The following FSIP2 variants were observed in gnomAD, a reference collection of about 807,000 sequenced individuals.
The protein encoded by FSIP2 is fibrous sheath-interacting protein 2.
In FSIP2, 367 loss-of-function variants were observed where a neutral mutation model predicts 510.5. That is an observed-to-expected ratio of 0.72 (90% CI 0.66 to 0.78). The LOEUF is 0.78. Ranked by LOEUF, FSIP2 falls within the 30% of genes least tolerant of loss-of-function variation. The pLI is 0.00. For missense variants in FSIP2, 7,594 were observed against 7,901.7 expected, an observed-to-expected ratio of 0.96 and a Z score of 1.48; for synonymous variants, 2,601 against 2,732.2, an observed-to-expected ratio of 0.95 and a Z score of 1.50.
chr2:185,831,325 G>A (rs986038276), intron 21 of FSIP2, among the ~76,000 whole-genome samples: 1 of 151,822 alleles, frequency 6.6e-6, no homozygotes, highest in Admixed American at 6.6e-5. Flanking sequence ...AGTAAAGCTA[G>A]TACCGGAGAC....
chr2:185,769,212 C>A (rs937484048), intron 13 of FSIP2, among the ~76,000 whole-genome samples: 34 of 152,094 alleles, frequency 2.2e-4, no homozygotes, highest in African/African-American at 8.2e-4. Flanking sequence ...AATCATCACA[C>A]GACTTTCCAC....
intron 21 of FSIP2, among the ~76,000 whole-genome samples, chr2:185,828,440 T>C (rs2105688975): frequency 6.6e-6 from 1 of 151,958 alleles, no homozygotes; most frequent in South Asian, 2.1e-4. Context: ...GGGCACAAAG[T>C]AATATACTCG....
chr2:185,813,472 C>A, intron 17 of FSIP2, 73 bp from the exon 18 acceptor site: 2 of 826,030 alleles, frequency 2.4e-6, no homozygotes, highest in East Asian at 2.9e-5. Context: ...AAGAAAATAG[C>A]TACATCATAA....
At chr2:185,751,420 T>C (rs1692143382) in intron 7 of FSIP2, among the ~76,000 whole-genome samples, 3 of 150,878 alleles carry the variant, frequency 2.0e-5, no homozygotes, top group Admixed American at 1.3e-4. Flanking sequence ...TATTATTTTC[T>C]TGTGTTTTAC....
chr2:185,776,859 C>T (rs1294948785), intron 13 of FSIP2, among the ~76,000 whole-genome samples: 2 of 151,970 alleles, frequency 1.3e-5, no homozygotes, highest in African/African-American at 2.4e-5. Flanking sequence ...CTCAGCCTCC[C>T]GAGTAGTTGG....
At chr2:185,754,166 C>A (rs115596228) in intron 8 of FSIP2, among the ~76,000 whole-genome samples, 2,029 of 150,754 alleles carry the variant, frequency 0.013, 28 homozygotes, top group Non-Finnish European at 0.019. Context: ...ACATGGTGTT[C>A]TATTATGTTG....
At chr2:185,811,519 G>GTTGT (rs200741996) in intron 17 of FSIP2, among the ~76,000 whole-genome samples, 20 of 151,376 alleles carry the variant, frequency 1.3e-4, no homozygotes, top group East Asian at 3.9e-4. Flanking sequence ...AAAAAAAAAG[G>GTTGT]TTGTTTGTTT....
chr2:185,776,454 G>A (rs1438709947), intron 13 of FSIP2, among the ~76,000 whole-genome samples: 2 of 151,698 alleles, frequency 1.3e-5, no homozygotes, highest in East Asian at 1.9e-4. Context: ...GGTTACCTGG[G>A]TGTATATTTC....
At chr2:185,784,500 T>C (rs947075865) in intron 14 of FSIP2, among the ~76,000 whole-genome samples, 2 of 152,096 alleles carry the variant, frequency 1.3e-5, no homozygotes, top group African/African-American at 4.8e-5. Flanking sequence ...ATTAGTGGCC[T>C]GCAAAGGCTT....
intron 13 of FSIP2, chr2:185,765,738 A>G (rs1458689971): frequency 1.3e-5 from 2 of 151,872 alleles, no homozygotes; most frequent in African/African-American, 4.8e-5. Context: ...CTTGGGCAGT[A>G]TGGCCATTTT....
rs745691772 is a variant in FSIP2 at position 185,808,113 on chromosome 2, T to C, written c.18807T>C (p.Ser6269=). The change falls in exon 17 of 23, where the codon TCT becomes TCC. Residue 6269 remains serine, a synonymous_variant. Transcript: ENST00000424728. ...SVLKHSGSYT[S]VFKDLMGKSN... ...TAAAGCACTCTGGCTCTTATACTTC[T>C]GTATTTAAAGATTTAATGGGTAAAA... 5 of 1,605,510 alleles carry C rather than the reference T, an allele frequency of 3.1e-6. No homozygotes were observed. The South Asian group carries it at 5.6e-5, about 18-fold the overall frequency.
chr2:185,742,673 T>G (rs1350434702), intron 2 of FSIP2, among the ~76,000 whole-genome samples: 1 of 152,202 alleles, frequency 6.6e-6, no homozygotes. Context: ...TTTCATAAAT[T>G]TTGATGAAAC....
intron 15 of FSIP2, among the ~76,000 whole-genome samples, chr2:185,787,337 C>A (rs576537275): frequency 1.3e-5 from 2 of 151,752 alleles, no homozygotes; most frequent in South Asian, 2.1e-4. Context: ...AATAAAATGG[C>A]CTTTCCTGGG....
In FSIP2 at chr2:185,805,946, G is replaced by A. The variant is rs1045779018; in HGVS notation, c.16640G>A (p.Ser5547Asn). ...SKVTSTTTVK[S>N]KDTQEPNLSE... ...GTTACTTCAACTACCACTGTGAAAA[G>A]TAAAGATACTCAGGAGCCAAATTTG... is the stretch of plus-strand genomic sequence containing the variant. Residue 5547 changes from serine to asparagine, a missense_variant, in exon 17 of 23, where the codon AGT becomes AAT. Ser to Asn is a conservative substitution (Grantham distance 46). Coordinates refer to ENST00000424728, the MANE Select transcript of FSIP2 (RefSeq NM_173651.4). 1.9e-6 allele frequency: 3 copies of A among 1,581,804 alleles called. No individual in the cohort carries two copies. The African/African-American group carries it at 4.1e-5, about 22-fold the overall frequency.
intron 7 of FSIP2, among the ~76,000 whole-genome samples, chr2:185,752,407 AT>A (rs1692167327): frequency 6.6e-6 from 1 of 150,464 alleles, no homozygotes; most frequent in African/African-American, 2.4e-5. Flanking sequence ...ACTTGGTGAA[AT>A]TTTTCTTGTT....
chr2:185,778,934 A>C (rs1335641331), intron 13 of FSIP2, among the ~76,000 whole-genome samples: 1 of 152,182 alleles, frequency 6.6e-6, no homozygotes, highest in African/African-American at 2.4e-5. Flanking sequence ...AGACCTATCC[A>C]AATTTTAGAA....
chr2:185,819,695 A>T (rs1693880968), intron 19 of FSIP2, among the ~76,000 whole-genome samples: 1 of 151,892 alleles, frequency 6.6e-6, no homozygotes, highest in Non-Finnish European at 1.5e-5. Flanking sequence ...ACCATATTCA[A>T]TATATTATAT....
chr2:185,792,459 T>G lies in FSIP2; in HGVS notation c.5323T>G (p.Ser1775Ala). Residue 1775 changes from serine (S) to alanine (A), a missense_variant, in exon 16 of 23, where the codon TCT becomes GCT. Physicochemically the swap from Ser to Ala is moderately conservative, Grantham distance 99 (BLOSUM62 1). Coordinates refer to ENST00000424728, the MANE Select transcript of FSIP2 (RefSeq NM_173651.4). ...AGTAAAACTCAAAGAACCACATATA[T>G]CTCCAATTGCTCCCATTATAAGAAA... is the stretch of plus-strand genomic sequence containing the variant. The part of the protein sequence containing the change: ...IEVKLKEPHI[S>A]PIAPIIRNIL... 6.5e-7 allele frequency: 1 copy of G among 1,531,032 alleles called. No individual in the cohort carries two copies. Among genetic ancestry groups the G allele is most frequent in the Admixed American group, 2.0e-5 (1 of 50,808 alleles). The allele number at this position is 1,531,032 out of a possible 1,614,324, so 94.8% of individuals were successfully genotyped here.
At chr2:185,831,759 C>G in intron 21 of FSIP2, 54 bp from the exon 22 acceptor site, 1 of 1,099,946 alleles carries the variant, frequency 9.1e-7, no homozygotes, top group Admixed American at 1.7e-5. Context: ...ATGGGTATAT[C>G]TAGTGTTTGT....
Sources: allele counts gnomAD v4.1 joint callset (sites outside exome capture counted in the v4.1 genomes callset), GRCh38; gene constraint gnomAD v4.1.1; transcripts MANE v1.5; gene names NCBI Gene and HGNC (gene_info 2026-07-23, HGNC 2026-07-21).